RPL31: variants seen among roughly 807,000 people sequenced by gnomAD.
RPL31 encodes large ribosomal subunit protein eL31.
For synonymous variants in RPL31, 51 were observed against 55.0 expected, an observed-to-expected ratio of 0.93 and a Z score of 0.32; for missense variants, 95 against 164.0, an observed-to-expected ratio of 0.58 and a Z score of 2.30.
chr2:101,012,386 C>T (rs1171297728), intron 4 of RPL31, among the ~76,000 whole-genome samples: 1 of 152,206 alleles, frequency 6.6e-6, no homozygotes, highest in Admixed American at 6.5e-5. Context: ...AGCACTGACG[C>T]ATGCTACAGC....
At chr2:101,006,167 C>T (rs1025485835) in intron 4 of RPL31, 96 bp downstream of exon 4, 83 of 1,529,446 alleles carry the variant, frequency 5.4e-5, no homozygotes, top group South Asian at 1.0e-4. Flanking sequence ...GGGTGACACA[C>T]GTCATTGTAC....
intron 4 of RPL31, among the ~76,000 whole-genome samples, chr2:101,016,186 C>T (rs1679620844): frequency 2.0e-5 from 3 of 152,052 alleles, no homozygotes; most frequent in African/African-American, 7.2e-5. Context: ...TGAGAAAGGG[C>T]TAATATCCAG....
chr2:101,005,818 A>AAGGG, intron 3 of RPL31, 141 bp from the exon 4 acceptor site: 1 of 671,090 alleles, frequency 1.5e-6, no homozygotes, highest in African/African-American at 1.8e-5. Context: ...TTCATTTTCC[A>AAGGG]GGGAACTGTA....
chr2:101,012,376 A>C (rs1331396517), intron 4 of RPL31, among the ~76,000 whole-genome samples: 2 of 152,260 alleles, frequency 1.3e-5, no homozygotes, highest in East Asian at 3.8e-4. Context: ...AAAGGAATGA[A>C]GCACTGACGC....
chr2:101,011,906 CTA>C (rs370341051), downstream of RPL31, among the ~76,000 whole-genome samples: 17 of 152,296 alleles, frequency 1.1e-4, 2 homozygotes, highest in South Asian at 3.5e-3. Flanking sequence ...AATAAATACA[CTA>C]AATCTCTGGG....
downstream of RPL31, chr2:101,007,932 C>A: frequency 6.2e-7 from 1 of 1,613,980 alleles, no homozygotes; most frequent in Non-Finnish European, 8.5e-7. Context: ...TGTCCAGTGG[C>A]TTTTCAAAAA....
downstream of RPL31, chr2:101,007,372 CA>C (rs1432915174): frequency 1.3e-5 from 2 of 157,660 alleles, no homozygotes; most frequent in African/African-American, 2.4e-5. Flanking sequence ...TGAAACAGTG[CA>C]AAAAAAAGCC....
At chr2:101,011,006 T>C (rs1141419), downstream of RPL31, 10 of 1,612,756 alleles carry the variant, frequency 6.2e-6, no homozygotes, top group Admixed American at 1.7e-4. Flanking sequence ...TTCAGCTGTT[T>C]CTGATAATCA....
downstream of RPL31, chr2:101,007,834 A>G (rs1048378234): frequency 6.2e-7 from 1 of 1,613,508 alleles, no homozygotes. Flanking sequence ...CAAGTTACTC[A>G]GCTTAAGTTC....
Position 101,014,228 on chromosome 2 carries a change from A to G in RPL31, c.347-4770A>G, listed in dbSNP as rs550063691. Among the ~76,000 whole-genome samples, 37 of 151,424 alleles carry G rather than the reference A, an allele frequency of 2.4e-4. No individual in the cohort carries two copies. The East Asian group carries it at 3.3e-3, about 14-fold the overall frequency. ...TTTTTTTCAAGGAAGTTTATATTCT[A>G]TGTTTCCATATTTTTCAAAATCTTC... On this transcript the variant is annotated intron_variant, in intron 4 of 4. Transcript: ENST00000409028.
At chr2:101,013,563 C>A (rs901313817) in intron 4 of RPL31, among the ~76,000 whole-genome samples, 12 of 152,326 alleles carry the variant, frequency 7.9e-5, no homozygotes, top group African/African-American at 2.6e-4. Flanking sequence ...TCTCAGACTT[C>A]TGTTTGAAGG....
intron 4 of RPL31, among the ~76,000 whole-genome samples, chr2:101,014,102 G>A (rs1016955711): frequency 5.9e-5 from 9 of 152,106 alleles, no homozygotes; most frequent in African/African-American, 2.2e-4. Context: ...CAATTTCTTA[G>A]TGGTGGCTTC....
downstream of RPL31, chr2:101,007,660 A>C (rs965528967): frequency 1.4e-6 from 1 of 694,094 alleles, no homozygotes; most frequent in East Asian, 2.5e-5. Context: ...GAAATGCTTG[A>C]GGGTTGTGTC....
chr2:101,004,427 G>A (rs1678643649), intron 3 of RPL31, 144 bp downstream of exon 3: 2 of 849,576 alleles, frequency 2.4e-6, no homozygotes, highest in African/African-American at 1.7e-5. Flanking sequence ...GTGACTTAGG[G>A]TGTGTAGTAT....
chr2:101,002,946 T>G (rs1678595557), intron 2 of RPL31, 138 bp downstream of exon 2: 2 of 668,096 alleles, frequency 3.0e-6, no homozygotes, highest in South Asian at 1.8e-5. Context: ...TAACAAATCC[T>G]GTGGGCTCTA....
intron 4 of RPL31, among the ~76,000 whole-genome samples, chr2:101,017,306 A>C (rs1238514050): frequency 1.3e-5 from 2 of 152,210 alleles, no homozygotes; most frequent in Admixed American, 1.3e-4. Flanking sequence ...GCATGCTAAA[A>C]TAATGATAAA....
intron 3 of RPL31, chr2:101,005,383 A>G (rs752458660): frequency 1.9e-5 from 3 of 155,110 alleles, no homozygotes; most frequent in African/African-American, 7.2e-5. Flanking sequence ...GTCTCAGCTC[A>G]CTGCAACCTC....
chr2:101,004,046 A>G, intron 2 of RPL31, 112 bp from the exon 3 acceptor site: 1 of 1,236,438 alleles, frequency 8.1e-7, no homozygotes, highest in South Asian at 1.5e-5. Flanking sequence ...GTTACATAAG[A>G]CATTGCTTAA....
chr2:101,019,230 G>A (rs967113462), exon 5 of RPL31: 18 of 529,922 alleles, frequency 3.4e-5, no homozygotes, highest in East Asian at 3.2e-4. Flanking sequence ...TTGCCTCTTC[G>A]ACAGGCAAGT....
Sources: allele counts gnomAD v4.1 joint callset (sites outside exome capture counted in the v4.1 genomes callset), GRCh38; gene constraint gnomAD v4.1.1; transcripts MANE v1.5; gene names NCBI Gene and HGNC (gene_info 2026-07-23, HGNC 2026-07-21).